SASH1: variants seen among roughly 807,000 people sequenced by gnomAD.
The protein encoded by SASH1 is SAM and SH3 domain containing 1, also known as SAM and SH3 domain-containing protein 1.
A neutral mutation model predicts 125.2 loss-of-function variants in SASH1; 44 were observed. The observed-to-expected ratio is 0.35, with a 90% CI of 0.28 to 0.45. SASH1 has a LOEUF of 0.45. SASH1 is among the 20% of genes least tolerant of loss of function. SASH1 has a pLI of 1.00. For synonymous variants in SASH1, 639 were observed against 649.1 expected (o/e 0.98, Z 0.24); for missense variants, 1,426 against 1,614.5 (o/e 0.88, Z 2.00).
intron 8 of SASH1, 106 bp from the exon 9 acceptor site, chr6:148,514,218 C>T (rs1157009650): frequency 1.3e-6 from 2 of 1,491,806 alleles, no homozygotes; most frequent in East Asian, 2.4e-5. Context: ...AGTTCAGCAA[C>T]AGAGCTGCCG....
At position 148,393,154 on chromosome 6, in the gene SASH1, C is replaced by G. The variant is rs571064851; in HGVS notation, c.285+2892C>G. On this transcript the variant is annotated intron_variant, in intron 2 of 19. Coordinates refer to ENST00000367467, the MANE Select transcript of SASH1 (RefSeq NM_015278.5). ...CTCCACCTCCTGGGTTCAACTGATT[C>G]TCCTGCCTCAGCCTCCCGAGTAGCT... Among the ~76,000 whole-genome samples the G allele has an allele frequency of 2.7e-3, 396 of 146,602 alleles. 3 individuals carry two copies. Among genetic ancestry groups the G allele is most frequent in the African/African-American group, 9.4e-3 (373 of 39,660 alleles).
At chr6:148,229,539 C>T in the SASH1 span, among the ~76,000 whole-genome samples, 1 of 152,084 alleles carries the variant, frequency 6.6e-6, no homozygotes, top group Non-Finnish European at 1.5e-5. Flanking sequence ...AAACGTATAA[C>T]ACCAGAGTTA....
Position 148,300,201 on chromosome 6 carries a change from A to G in SASH1, n.74+27824A>G, listed in dbSNP as rs897814701. On this transcript the variant is annotated intron_variant and non_coding_transcript_variant, in intron 1 of 3. Transcript: ENST00000367469. ...ATTAATGTGTCCTTTCATTAGTATG[A>G]TCAGATTCACAAGATGATTTTATGC... Among the ~76,000 whole-genome samples, 5 of 152,194 alleles carry G rather than the reference A, an allele frequency of 3.3e-5. No individual in the cohort carries two copies. The East Asian group carries it at 9.6e-4, about 29-fold the overall frequency.
At chr6:148,195,011 T>TA in the SASH1 span, among the ~76,000 whole-genome samples, 8 of 152,218 alleles carry the variant, frequency 5.3e-5, no homozygotes, top group Admixed American at 2.6e-4. Flanking sequence ...GAAAGGAGGG[T>TA]AAAAAAATGT....
chr6:148,257,310 T>C, the SASH1 span, among the ~76,000 whole-genome samples: 868 of 152,316 alleles, frequency 5.7e-3, 9 homozygotes, highest in Middle Eastern at 0.031. Context: ...GTGGCAAATG[T>C]GGCTTGAACC....
the SASH1 span, among the ~76,000 whole-genome samples, chr6:148,224,036 G>A: frequency 4.6e-5 from 7 of 152,322 alleles, no homozygotes; most frequent in East Asian, 1.3e-3. Flanking sequence ...GCTTATGCCT[G>A]TAATCCCAAC....
chr6:148,375,780 A>G (rs1562362149), intron 1 of SASH1, among the ~76,000 whole-genome samples: 1 of 152,200 alleles, frequency 6.6e-6, no homozygotes, highest in South Asian at 2.1e-4. Flanking sequence ...GACATTCTCT[A>G]AATCGGATTT....
At position 148,430,869 on chromosome 6, in the gene SASH1, T is replaced by C. The variant is rs182424535; in HGVS notation, c.286-9315T>C. On this transcript the variant is annotated intron_variant, in intron 2 of 19. Transcript: ENST00000367467. ...AGAAGATGGAGTTGACAATAGTGAT[T>C]AGAGGGGCATGACACCACTTATAGC... 1.3e-3 allele frequency among the ~76,000 whole-genome samples: 205 copies of C among 152,296 alleles called. 3 individuals carry two copies. Among genetic ancestry groups the C allele is most frequent in the East Asian group, 7.7e-4 (4 of 5,192 alleles).
intron 1 of SASH1, 130 bp from the exon 2 acceptor site, chr6:148,390,004 C>G: frequency 9.4e-7 from 1 of 1,060,472 alleles, no homozygotes; most frequent in Non-Finnish European, 1.4e-6. Context: ...GTAAAACAAC[C>G]TGGCACTTGA....
At chr6:148,423,196 CAA>C (rs1775649203) in intron 2 of SASH1, among the ~76,000 whole-genome samples, 1 of 152,256 alleles carries the variant, frequency 6.6e-6, no homozygotes, top group Non-Finnish European at 1.5e-5. Flanking sequence ...CTCAGCCTCC[CAA>C]AGTGTTGGGA....
At chr6:148,271,175 G>C (rs1403258480), upstream of SASH1, among the ~76,000 whole-genome samples, 1 of 152,154 alleles carries the variant, frequency 6.6e-6, no homozygotes, top group Non-Finnish European at 1.5e-5. Context: ...TTCCCAAAGT[G>C]CTGGGATTAC....
intron 2 of SASH1, 60 bp from the exon 3 acceptor site, chr6:148,440,124 G>A: frequency 1.3e-6 from 2 of 1,508,950 alleles, no homozygotes; most frequent in Non-Finnish European, 1.8e-6. Flanking sequence ...ATGTCTATTT[G>A]TCTTTCTCGC....
chr6:148,254,201 C>T, the SASH1 span, among the ~76,000 whole-genome samples: 2 of 151,082 alleles, frequency 1.3e-5, no homozygotes, highest in African/African-American at 4.9e-5. Flanking sequence ...GCATGAAACT[C>T]TGTCTCAAAA....
In SASH1 at chr6:148,356,981, C is replaced by A. The variant is rs1781970451; in HGVS notation, c.156+13758C>A. On this transcript the variant is annotated intron_variant, in intron 1 of 19. Coordinates refer to ENST00000367467, the MANE Select transcript of SASH1 (RefSeq NM_015278.5). ...CTTTGTTTGTTGGCCGTTTGTATAT[C>A]TTCTTTTGAGAATTGTCTATTCATG... 2.6e-5 allele frequency among the ~76,000 whole-genome samples: 4 copies of A among 152,208 alleles called. No individual in the cohort carries two copies. In the South Asian group the frequency reaches 8.3e-4, roughly 32 times the overall value.
intron 1 of SASH1, among the ~76,000 whole-genome samples, chr6:148,284,639 AT>A (rs993256283): frequency 6.6e-6 from 1 of 152,210 alleles, no homozygotes; most frequent in Non-Finnish European, 1.5e-5. Flanking sequence ...TTAAAATATT[AT>A]CAAATGAATT....
chr6:148,482,608 A>G (rs1423088112), intron 7 of SASH1, among the ~76,000 whole-genome samples: 1 of 150,250 alleles, frequency 6.7e-6, no homozygotes, highest in Non-Finnish European at 1.5e-5. Context: ...TGCAGCCTCG[A>G]CCTTCCAGGC....
At chr6:148,205,938 C>A in the SASH1 span, among the ~76,000 whole-genome samples, 1,091 of 152,262 alleles carry the variant, frequency 7.2e-3, 17 homozygotes, top group African/African-American at 0.025. Context: ...CATTCCATTG[C>A]CTCAGAGGTT....
chr6:148,376,044 G>A (rs991817994), intron 1 of SASH1, among the ~76,000 whole-genome samples: 3 of 152,090 alleles, frequency 2.0e-5, no homozygotes, highest in Non-Finnish European at 4.4e-5. Flanking sequence ...TTTCCAGACA[G>A]TGGGGGTAAA....
At chr6:148,194,838 G>T in the SASH1 span, among the ~76,000 whole-genome samples, 1 of 152,184 alleles carries the variant, frequency 6.6e-6, no homozygotes, top group South Asian at 2.1e-4. Flanking sequence ...CCTAGGAGGC[G>T]GAGCTGGCAG....
Sources: allele counts gnomAD v4.1 joint callset (sites outside exome capture counted in the v4.1 genomes callset), GRCh38; gene constraint gnomAD v4.1.1; transcripts MANE v1.5; gene names NCBI Gene and HGNC (gene_info 2026-07-23, HGNC 2026-07-21).